GALNTL6: variants seen among roughly 807,000 people sequenced by gnomAD.
GALNTL6 encodes polypeptide N-acetylgalactosaminyltransferase-like 6.
Under a neutral mutation model 73.7 loss-of-function variants are expected in GALNTL6, and 46 were observed. That is an observed-to-expected ratio of 0.62 (90% confidence interval 0.49 to 0.80). The LOEUF (loss-of-function observed/expected upper bound fraction) is 0.80, where lower values mean the gene tolerates loss of function less well. Among genes scored for constraint, GALNTL6 ranks in the 30% least tolerant of loss-of-function variants. GALNTL6 has a pLI of 0.00. For missense variants in GALNTL6, 604 were observed against 755.0 expected, an observed-to-expected ratio of 0.80 and a Z score of 2.34; for synonymous variants, 259 against 263.7, an observed-to-expected ratio of 0.98 and a Z score of 0.17.
chr4:173,031,244 A>G (rs1579804857), intron 12 of GALNTL6, among the ~76,000 whole-genome samples: 1 of 152,250 alleles, frequency 6.6e-6, no homozygotes, highest in South Asian at 2.1e-4. Context: ...CACCTAGAGC[A>G]TAGCACATAA....
At chr4:172,696,352 C>A (rs1733693513) in intron 5 of GALNTL6, among the ~76,000 whole-genome samples, 1 of 152,196 alleles carries the variant, frequency 6.6e-6, no homozygotes, top group Admixed American at 6.5e-5. Context: ...ATCTAAACAA[C>A]CTTTTGTTCC....
At chr4:172,726,928 G>A (rs1233338172) in intron 5 of GALNTL6, among the ~76,000 whole-genome samples, 1 of 152,122 alleles carries the variant, frequency 6.6e-6, no homozygotes, top group Non-Finnish European at 1.5e-5. Context: ...AATGATTATT[G>A]TTAAGGATCT....
chr4:172,286,691 C>T (rs549225877), intron 3 of GALNTL6, among the ~76,000 whole-genome samples: 59 of 152,200 alleles, frequency 3.9e-4, no homozygotes, highest in African/African-American at 1.3e-3. Flanking sequence ...CGGAGGAAGG[C>T]AGCGATGGTG....
rs759750614 is a variant in GALNTL6, at chr4:172,809,565, G to A, written c.739+19G>A. Reference sequence around the variant, plus strand: ...CTCCTCAGTGAGTACAGGTTGCTAAGCACCATCCTGGGATGCCTCAGGGGA... The same window carrying A: ...CTCCTCAGTGAGTACAGGTTGCTAAACACCATCCTGGGATGCCTCAGGGGA... On this transcript the variant is annotated intron_variant, in intron 6 of 12. Coordinates refer to ENST00000506823, the MANE Select transcript of GALNTL6 (RefSeq NM_001034845.3). The surrounding 1 kb of genome is among the most constrained non-coding windows in gnomAD (Gnocchi z 4.4). The A allele has an allele frequency of 4.4e-6, 7 of 1,588,806 alleles. No homozygotes were observed. The highest frequency in any genetic ancestry group is 3.5e-5 in the Admixed American group (2 of 56,842).
At chr4:172,067,052 C>T (rs1436446253) in intron 2 of GALNTL6, among the ~76,000 whole-genome samples, 1 of 151,594 alleles carries the variant, frequency 6.6e-6, no homozygotes, top group Non-Finnish European at 1.5e-5. Flanking sequence ...GTGGTTAATC[C>T]CTCCACTTTC....
intron 10 of GALNTL6, among the ~76,000 whole-genome samples, chr4:172,999,875 T>A (rs190724037): frequency 6.6e-6 from 1 of 152,166 alleles, no homozygotes; most frequent in Admixed American, 6.5e-5. Flanking sequence ...ATTACATAAC[T>A]CTCCACCTGT....
At chr4:172,556,434 A>G (rs959404616) in intron 5 of GALNTL6, among the ~76,000 whole-genome samples, 7 of 151,202 alleles carry the variant, frequency 4.6e-5, no homozygotes, top group Non-Finnish European at 1.0e-4. Flanking sequence ...GGGTTGCCCA[A>G]TTTAGCAAAT....
intron 3 of GALNTL6, among the ~76,000 whole-genome samples, chr4:172,245,250 C>A (rs1273545434): frequency 6.6e-6 from 1 of 152,060 alleles, no homozygotes; most frequent in Non-Finnish European, 1.5e-5. Context: ...ACCAATTTGC[C>A]ACACAGAAAA....
chr4:172,660,526 A>AT (rs1220479418), intron 5 of GALNTL6, among the ~76,000 whole-genome samples: 1 of 152,142 alleles, frequency 6.6e-6, no homozygotes, highest in Non-Finnish European at 1.5e-5. Flanking sequence ...CCTTGCCTTT[A>AT]TTTTCAAATG....
intron 2 of GALNTL6, among the ~76,000 whole-genome samples, chr4:171,895,041 T>C (rs1736869807): frequency 6.6e-6 from 1 of 152,176 alleles, no homozygotes; most frequent in Non-Finnish European, 1.5e-5. Context: ...ACAGAACACT[T>C]AGAAGAGACC....
intron 2 of GALNTL6, among the ~76,000 whole-genome samples, chr4:172,140,511 C>G (rs1019412135): frequency 1.3e-5 from 2 of 151,984 alleles, no homozygotes; most frequent in Non-Finnish European, 2.9e-5. Flanking sequence ...TCCTCATATA[C>G]CTTCTGACAT....
At chr4:172,597,117 A>G (rs1443983817) in intron 5 of GALNTL6, among the ~76,000 whole-genome samples, 3 of 152,224 alleles carry the variant, frequency 2.0e-5, no homozygotes, top group Non-Finnish European at 4.4e-5. Context: ...CTATCCAAAT[A>G]TTGCCAGATG....
At chr4:172,179,426 A>C (rs1431311877) in intron 2 of GALNTL6, among the ~76,000 whole-genome samples, 1 of 134,306 alleles carries the variant, frequency 7.4e-6, no homozygotes, top group Non-Finnish European at 1.6e-5. Context: ...GCATTTTTTC[A>C]TGTGTTTTTT....
At chr4:172,024,173 T>C (rs1741485890) in intron 2 of GALNTL6, among the ~76,000 whole-genome samples, 1 of 151,880 alleles carries the variant, frequency 6.6e-6, no homozygotes, top group African/African-American at 2.4e-5. Flanking sequence ...TCTTCCTCTA[T>C]GCTTCCATTG....
intron 5 of GALNTL6, among the ~76,000 whole-genome samples, chr4:172,555,818 A>G (rs1736120908): frequency 6.6e-6 from 1 of 152,130 alleles, no homozygotes; most frequent in Non-Finnish European, 1.5e-5. Flanking sequence ...ACATTAGTGT[A>G]ATGAGAATAG....
At chr4:172,173,292 G>A (rs1239812712) in intron 2 of GALNTL6, among the ~76,000 whole-genome samples, 4 of 152,208 alleles carry the variant, frequency 2.6e-5, no homozygotes, top group Non-Finnish European at 4.4e-5. Context: ...TTAAATGACG[G>A]CATATATCCA....
chr4:172,171,335 A>C (rs1333711515), intron 2 of GALNTL6, among the ~76,000 whole-genome samples: 2 of 152,208 alleles, frequency 1.3e-5, no homozygotes, highest in Non-Finnish European at 2.9e-5. Flanking sequence ...CCCACTTTTT[A>C]GTGACTATTG....
At chr4:172,379,735 C>T in intron 5 of GALNTL6, among the ~76,000 whole-genome samples, 1 of 152,060 alleles carries the variant, frequency 6.6e-6, no homozygotes, top group Non-Finnish European at 1.5e-5. Context: ...CCTTCATTCA[C>T]AGTGCTTTAC....
intron 2 of GALNTL6, among the ~76,000 whole-genome samples, chr4:172,200,016 T>C (rs577828909): frequency 4.8e-4 from 73 of 152,204 alleles, no homozygotes; most frequent in Middle Eastern, 3.4e-3. Context: ...ATTACACATA[T>C]AGAGAAGCTA....
Sources: gnomAD v4.1 joint callset for allele counts (sites outside exome capture counted in the v4.1 genomes callset) on GRCh38, gnomAD v4.1.1 for gene constraint, Gnocchi (gnomAD v3.1) non-coding constraint, MANE v1.5 for transcripts, NCBI Gene and HGNC (gene_info 2026-07-23, HGNC 2026-07-21) for gene names.